The following CDK5RAP2 variants were observed in gnomAD, a reference collection of about 807,000 sequenced individuals.
The protein encoded by CDK5RAP2 is CDK5 regulatory subunit-associated protein 2.
CDK5RAP2 carries 147 observed loss-of-function variants against 232.9 expected under a neutral mutation model. That is an observed-to-expected ratio of 0.63 (90% confidence interval 0.55 to 0.72). CDK5RAP2 has a LOEUF of 0.72. Among genes scored for constraint, CDK5RAP2 ranks in the 30% least tolerant of loss-of-function variants. The pLI is 0.00. For missense variants in CDK5RAP2, 2,195 were observed against 2,231.5 expected, an observed-to-expected ratio of 0.98 and a Z score of 0.33; for synonymous variants, 833 against 833.7, an observed-to-expected ratio of 1.00 and a Z score of 0.01.
rs2039095481 is a variant in CDK5RAP2 at position 120,494,909 on chromosome 9, A to G, written c.1312-3432T>C. On this transcript the variant is annotated intron_variant, in intron 12 of 37. Coordinates refer to ENST00000349780, the MANE Select transcript of CDK5RAP2 (RefSeq NM_018249.6). ...CGGAGCCAGGACAGTCGCGGCGCTG[A>G]CGCCCGCGGGCCCCAGCTGCAGATA... is the stretch of plus-strand genomic sequence containing the variant. Among the ~76,000 whole-genome samples the G allele has an allele frequency of 2.8e-5, 4 of 144,094 alleles. No individual in the cohort carries two copies. In the South Asian group the frequency reaches 8.5e-4, roughly 31 times the overall value. 94.5% of individuals were successfully genotyped at this position (144,094 alleles called of 152,430 possible).
rs545617281 is a variant in CDK5RAP2, at chr9:120,500,581, T to C, written c.1312-9104A>G. On this transcript the variant is annotated intron_variant, in intron 12 of 37. Transcript: ENST00000349780. ...ATGCTTCTATATATTTGACTATTGTTTGAATTTCTCCTTGTGCAAATTGTC... is the reference window on the plus strand; with the variant it reads ...ATGCTTCTATATATTTGACTATTGTCTGAATTTCTCCTTGTGCAAATTGTC... Among the ~76,000 whole-genome samples, 300 of 152,376 alleles carry C rather than the reference T, an allele frequency of 2.0e-3. 2 individuals carry two copies. Among genetic ancestry groups the C allele is most frequent in the African/African-American group, 7.0e-3 (292 of 41,594 alleles).
chr9:120,498,718 A>AATATATATATAT (rs145678067), intron 12 of CDK5RAP2, among the ~76,000 whole-genome samples: 4 of 147,284 alleles, frequency 2.7e-5, no homozygotes, highest in African/African-American at 9.9e-5. Flanking sequence ...AAAGGCTTTA[A>AATATATATATAT]ATATATATAT....
At chr9:120,420,532 G>A (rs1477633530) in intron 26 of CDK5RAP2, among the ~76,000 whole-genome samples, 5 of 151,504 alleles carry the variant, frequency 3.3e-5, no homozygotes, top group South Asian at 4.2e-4. Flanking sequence ...TTTCAATATC[G>A]TTATTCTAGC....
At chr9:120,511,560 G>A (rs1041293875) in intron 12 of CDK5RAP2, among the ~76,000 whole-genome samples, 2 of 152,074 alleles carry the variant, frequency 1.3e-5, no homozygotes, top group African/African-American at 2.4e-5. Flanking sequence ...GCTCACCAGA[G>A]GCAATTCTTT....
At chr9:120,503,985 T>G (rs981512597) in intron 12 of CDK5RAP2, among the ~76,000 whole-genome samples, 23 of 152,030 alleles carry the variant, frequency 1.5e-4, no homozygotes, top group African/African-American at 5.1e-4. Flanking sequence ...AAGCGAGGAT[T>G]TGGTGCTTTT....
At chr9:120,521,255 T>G (rs1343743238) in intron 11 of CDK5RAP2, among the ~76,000 whole-genome samples, 1 of 152,212 alleles carries the variant, frequency 6.6e-6, no homozygotes, top group Non-Finnish European at 1.5e-5. Flanking sequence ...TACACTTTCT[T>G]ATTTAAACCT....
intron 22 of CDK5RAP2, among the ~76,000 whole-genome samples, chr9:120,447,049 C>T (rs1243974987): frequency 6.6e-6 from 1 of 152,216 alleles, no homozygotes; most frequent in African/African-American, 2.4e-5. Context: ...ACTCCTCTCT[C>T]CTCAGTGCCT....
intron 36 of CDK5RAP2, among the ~76,000 whole-genome samples, chr9:120,392,543 G>A (rs1485946216): frequency 6.6e-6 from 1 of 152,202 alleles, no homozygotes; most frequent in Non-Finnish European, 1.5e-5. Flanking sequence ...AGGGCCAAAG[G>A]CTGCTGAGGA....
intron 3 of CDK5RAP2, among the ~76,000 whole-genome samples, chr9:120,556,381 G>A (rs1233161755): frequency 6.6e-6 from 1 of 151,734 alleles, no homozygotes; most frequent in African/African-American, 2.4e-5. Context: ...ATTTTTTTCA[G>A]CGTTTTAAAA....
intron 3 of CDK5RAP2, among the ~76,000 whole-genome samples, chr9:120,553,102 T>C (rs1431070570): frequency 2.0e-5 from 3 of 152,210 alleles, no homozygotes; most frequent in Non-Finnish European, 2.9e-5. Context: ...CCAAGCTAGA[T>C]AATTTATATA....
intron 25 of CDK5RAP2, among the ~76,000 whole-genome samples, 185 bp from the exon 26 acceptor site, chr9:120,422,926 C>T (rs1475485276): frequency 6.6e-6 from 1 of 152,222 alleles, no homozygotes; most frequent in Non-Finnish European, 1.5e-5. Flanking sequence ...TCCTTTATCA[C>T]TGCATTGACA....
chr9:120,495,999 T>C (rs1216572915), intron 12 of CDK5RAP2, among the ~76,000 whole-genome samples: 113 of 101,652 alleles, frequency 1.1e-3, no homozygotes, highest in African/African-American at 1.4e-3. Flanking sequence ...GCCCCCCGCC[T>C]GGCCAGCCGC....
At chr9:120,401,111 T>C (rs754826196) in intron 34 of CDK5RAP2, 5 of 552,154 alleles carry the variant, frequency 9.1e-6, no homozygotes, top group Non-Finnish European at 1.6e-5. Context: ...CCATGATTAA[T>C]AACCACCATG....
intron 29 of CDK5RAP2, 56 bp from the exon 30 acceptor site, chr9:120,409,372 TA>T: frequency 1.6e-6 from 2 of 1,269,102 alleles, no homozygotes; most frequent in Non-Finnish European, 2.2e-6. Context: ...TTTCCAACCT[TA>T]TTATATAAAT....
At chr9:120,414,038 A>G (rs955293400) in intron 28 of CDK5RAP2, among the ~76,000 whole-genome samples, 29 of 152,236 alleles carry the variant, frequency 1.9e-4, no homozygotes, top group African/African-American at 5.1e-4. Flanking sequence ...CAATTCTACC[A>G]TCTCTAAAAA....
At chr9:120,466,842 G>A (rs1214518676) in intron 18 of CDK5RAP2, among the ~76,000 whole-genome samples, 2 of 152,202 alleles carry the variant, frequency 1.3e-5, no homozygotes, top group African/African-American at 4.8e-5. Context: ...AAATGATGTT[G>A]CAATGAATGT....
intron 15 of CDK5RAP2, among the ~76,000 whole-genome samples, chr9:120,476,062 AG>A (rs1415721936): frequency 1.3e-5 from 2 of 152,162 alleles, no homozygotes; most frequent in East Asian, 3.8e-4. Flanking sequence ...TGGGAATAGA[AG>A]GGTAGGAAAC....
intron 20 of CDK5RAP2, among the ~76,000 whole-genome samples, chr9:120,454,479 T>C (rs1043893599): frequency 6.6e-6 from 1 of 152,210 alleles, no homozygotes; most frequent in Non-Finnish European, 1.5e-5. Context: ...GAAAAGAAGA[T>C]AAGTATTCCT....
chr9:120,447,714 A>G (rs995171326), intron 22 of CDK5RAP2, among the ~76,000 whole-genome samples, 181 bp downstream of exon 22: 16 of 152,270 alleles, frequency 1.1e-4, no homozygotes, highest in Admixed American at 5.9e-4. Context: ...AAAGCAATAG[A>G]TTCATTCTCC....
Sources: allele counts gnomAD v4.1 joint callset (sites outside exome capture counted in the v4.1 genomes callset), GRCh38; gene constraint gnomAD v4.1.1; transcripts MANE v1.5; gene names NCBI Gene and HGNC (gene_info 2026-07-23, HGNC 2026-07-21).